Variants in PDZRN3 observed in about 807,000 individuals in gnomAD.
PDZRN3 encodes the protein E3 ubiquitin-protein ligase PDZRN3.
In PDZRN3, 38 loss-of-function variants were observed where a neutral mutation model predicts 85.7. The observed-to-expected ratio is 0.44, with a 90% confidence interval of 0.34 to 0.58. The LOEUF (loss-of-function observed/expected upper bound fraction) is 0.58. Ranked by LOEUF, PDZRN3 falls within the 20% of genes least tolerant of loss-of-function variation. The probability of loss-of-function intolerance (pLI) is 0.01; values close to 1 mark genes in which losing one functional copy is unlikely to be tolerated. For synonymous variants in PDZRN3, 759 were observed against 638.0 expected, an observed-to-expected ratio of 1.19 and a Z score of -2.86; for missense variants, 1,629 against 1,506.4, an observed-to-expected ratio of 1.08 and a Z score of -1.35.
At chr3:73,390,635 A>AATGTGTGTGTGTG (rs1553683086) in intron 6 of PDZRN3, among the ~76,000 whole-genome samples, 12 of 139,464 alleles carry the variant, frequency 8.6e-5, no homozygotes, top group African/African-American at 3.3e-4. Flanking sequence ...AGAAAAAAAA[A>AATGTGTGTGTGTG]TGTGTGTGTG....
chr3:73,593,709 TACACACACACACAC>T lies in PDZRN3; in HGVS notation c.918+8631_918+8644del, dbSNP rs57922621. Among the ~76,000 whole-genome samples, 1,378 of 141,928 alleles carry T rather than the reference TACACACACACACAC, an allele frequency of 9.7e-3. 37 individuals are homozygous for T. The highest frequency in any genetic ancestry group is 0.035 in the African/African-American group (1,296 of 37,148). The allele number at this position is 141,928 out of a possible 152,430, so 93.1% of individuals were successfully genotyped here. ...TTCTTACTGTTTACCGAAATAAATA[TACACACACACACAC>T]ACACACACACACACACACACACACA... On this transcript the variant is annotated intron_variant, in intron 3 of 9. Coordinates refer to ENST00000263666, the MANE Select transcript of PDZRN3 (RefSeq NM_015009.3).
chr3:73,411,608 A>G (rs547947376), intron 3 of PDZRN3, among the ~76,000 whole-genome samples: 32 of 152,190 alleles, frequency 2.1e-4, no homozygotes, highest in Admixed American at 5.9e-4. Flanking sequence ...AGTCCACCAT[A>G]GTGGCAGCAG....
At chr3:73,446,994 C>T (rs917919862) in intron 3 of PDZRN3, among the ~76,000 whole-genome samples, 4 of 149,474 alleles carry the variant, frequency 2.7e-5, no homozygotes, top group South Asian at 2.1e-4. Context: ...CTGACTAATT[C>T]GGATGGACGT....
At chr3:73,592,739 C>G (rs1249719990) in intron 3 of PDZRN3, among the ~76,000 whole-genome samples, 1 of 152,112 alleles carries the variant, frequency 6.6e-6, no homozygotes, top group East Asian at 1.9e-4. Flanking sequence ...GCAGCAGCTA[C>G]CCACCCTGGA....
chr3:73,602,313 G>T, intron 3 of PDZRN3, 41 bp downstream of exon 3: 1 of 1,050,656 alleles, frequency 9.5e-7, no homozygotes, highest in Non-Finnish European at 1.5e-6. Context: ...AGATGGGATG[G>T]CATTCAGCCT....
chr3:73,466,313 AGAGT>A (rs1703212303), intron 3 of PDZRN3, among the ~76,000 whole-genome samples: 1 of 147,720 alleles, frequency 6.8e-6, no homozygotes, highest in South Asian at 2.1e-4. Context: ...AGGACTACAA[AGAGT>A]GATAGAAAAA....
At chr3:73,550,696 G>A (rs1701533070) in intron 3 of PDZRN3, among the ~76,000 whole-genome samples, 1 of 152,194 alleles carries the variant, frequency 6.6e-6, no homozygotes, top group African/African-American at 2.4e-5. Context: ...ATATGGTGAC[G>A]TCTACCCAAA....
intron 3 of PDZRN3, among the ~76,000 whole-genome samples, chr3:73,596,959 G>A (rs1241745317): frequency 1.3e-5 from 2 of 152,122 alleles, no homozygotes; most frequent in African/African-American, 4.8e-5. Flanking sequence ...GATGAATTTA[G>A]TGATAAAGAG....
At chr3:73,490,807 G>A (rs1018513293) in intron 3 of PDZRN3, among the ~76,000 whole-genome samples, 17 of 152,212 alleles carry the variant, frequency 1.1e-4, no homozygotes, top group Admixed American at 1.3e-4. Flanking sequence ...AGTGGCTACC[G>A]CTCCCTGTAT....
At chr3:73,459,017 A>G (rs967416119) in intron 3 of PDZRN3, among the ~76,000 whole-genome samples, 3 of 151,874 alleles carry the variant, frequency 2.0e-5, no homozygotes, top group African/African-American at 7.2e-5. Context: ...AAGAAAAAAA[A>G]GAAAAAAGAA....
chr3:73,505,761 CTT>C (rs1477985855), intron 3 of PDZRN3, among the ~76,000 whole-genome samples: 3 of 151,924 alleles, frequency 2.0e-5, no homozygotes, highest in Admixed American at 6.6e-5. Context: ...GATATGTCCT[CTT>C]GTTTTTTTAA....
At chr3:73,498,173 T>A (rs1325170541) in intron 3 of PDZRN3, among the ~76,000 whole-genome samples, 1 of 152,188 alleles carries the variant, frequency 6.6e-6, no homozygotes, top group African/African-American at 2.4e-5. Flanking sequence ...TCAATCCCTG[T>A]CACTCCACTT....
At chr3:73,603,272 T>C (rs1357543581) in intron 2 of PDZRN3, among the ~76,000 whole-genome samples, 1 of 152,242 alleles carries the variant, frequency 6.6e-6, no homozygotes, top group Non-Finnish European at 1.5e-5. Context: ...TCTGACCTCC[T>C]TGAATCTCTT....
At chr3:73,456,573 G>C (rs764452628) in intron 3 of PDZRN3, among the ~76,000 whole-genome samples, 1 of 152,206 alleles carries the variant, frequency 6.6e-6, no homozygotes, top group Non-Finnish European at 1.5e-5. Flanking sequence ...TTTGAAGCCA[G>C]ATGATGTTCA....
chr3:73,568,223 A>G (rs553833694), intron 3 of PDZRN3, among the ~76,000 whole-genome samples: 112 of 152,318 alleles, frequency 7.4e-4, no homozygotes, highest in Non-Finnish European at 1.3e-3. Flanking sequence ...GATCATCACT[A>G]ACCTGTCTAT....
At chr3:73,601,623 A>T (rs767080514) in intron 3 of PDZRN3, among the ~76,000 whole-genome samples, 1 of 152,190 alleles carries the variant, frequency 6.6e-6, no homozygotes, top group African/African-American at 2.4e-5. Flanking sequence ...TTGCAACAAG[A>T]GCCCATATGA....
intron 3 of PDZRN3, among the ~76,000 whole-genome samples, chr3:73,597,838 G>A (rs1179676798): frequency 1.3e-5 from 2 of 151,724 alleles, no homozygotes; most frequent in African/African-American, 2.4e-5. Context: ...TCAGTTTCTC[G>A]GTGTTTTCTC....
At chr3:73,523,005 GTTTT>G (rs377137629) in intron 3 of PDZRN3, among the ~76,000 whole-genome samples, 2 of 151,986 alleles carry the variant, frequency 1.3e-5, no homozygotes, top group East Asian at 1.9e-4. Flanking sequence ...AAAAGGAAGA[GTTTT>G]TTTTGTTTGT....
rs574292688 is a variant in PDZRN3 at position 73,531,955 on chromosome 3, C to T, written c.918+70399G>A. ...TGTTGTATAAAATAATGCCAAAACT[C>T]CAGACTTTTCTGTAAAAGTCTCCCA... On this transcript the variant is annotated intron_variant, in intron 3 of 9. Coordinates refer to ENST00000263666, the MANE Select transcript of PDZRN3 (RefSeq NM_015009.3). Among the ~76,000 whole-genome samples the T allele has an allele frequency of 2.0e-5, 3 of 152,324 alleles. No homozygotes were observed. The East Asian group carries it at 5.8e-4, about 29-fold the overall frequency.
Sources: allele counts gnomAD v4.1 joint callset (sites outside exome capture counted in the v4.1 genomes callset), GRCh38; gene constraint gnomAD v4.1.1; transcripts MANE v1.5; gene names NCBI Gene and HGNC (gene_info 2026-07-23, HGNC 2026-07-21).